The following FGF12 variants were observed in gnomAD, a reference collection of about 807,000 sequenced individuals.
FGF12 encodes the protein fibroblast growth factor 12.
Under a neutral mutation model 23.6 loss-of-function variants are expected in FGF12, and 14 were observed. The ratio of observed to expected loss-of-function variants is 0.59; its 90% CI spans 0.39 to 0.93. The LOEUF (loss-of-function observed/expected upper bound fraction) is 0.93. Among genes scored for constraint, FGF12 ranks in the 40% least tolerant of loss-of-function variants. The pLI is 0.00. For missense variants in FGF12, 175 were observed against 217.8 expected (o/e 0.80, Z 1.24); for synonymous variants, 62 against 77.3 (o/e 0.80, Z 1.04).
intron 2 of FGF12, among the ~76,000 whole-genome samples, chr3:192,421,128 C>A (rs1200914727): frequency 6.6e-6 from 1 of 152,090 alleles, no homozygotes; most frequent in African/African-American, 2.4e-5. Context: ...GTTTAACTGA[C>A]TCCATGCACA....
chr3:192,421,367 A>G (rs1446391584), intron 2 of FGF12, among the ~76,000 whole-genome samples: 6 of 152,120 alleles, frequency 3.9e-5, no homozygotes, highest in Non-Finnish European at 1.5e-5. Context: ...AGTCTAAACA[A>G]TAAGAAAAAA....
intron 4 of FGF12, among the ~76,000 whole-genome samples, chr3:192,266,821 C>G (rs1161730055): frequency 6.6e-6 from 1 of 151,670 alleles, no homozygotes; most frequent in East Asian, 1.9e-4. Context: ...CACACACACA[C>G]ACATACACTA....
chr3:192,614,965 G>C (rs189879228), intron 2 of FGF12, among the ~76,000 whole-genome samples: 1 of 151,722 alleles, frequency 6.6e-6, no homozygotes, highest in East Asian at 1.9e-4. Context: ...TAAGAATTTT[G>C]ATGAAAATAA....
At chr3:192,683,627 A>C (rs192733126) in intron 2 of FGF12, among the ~76,000 whole-genome samples, 1 of 152,082 alleles carries the variant, frequency 6.6e-6, no homozygotes, top group African/African-American at 2.4e-5. Flanking sequence ...TACAAAGTTT[A>C]AAAAAAAATT....
intron 2 of FGF12, among the ~76,000 whole-genome samples, chr3:192,372,106 G>T (rs1719259776): frequency 6.6e-6 from 1 of 152,254 alleles, no homozygotes; most frequent in East Asian, 1.9e-4. Flanking sequence ...ATTTGGCATA[G>T]AAAAATCTTC....
At chr3:192,584,125 C>G (rs1428375848) in intron 2 of FGF12, among the ~76,000 whole-genome samples, 2 of 152,170 alleles carry the variant, frequency 1.3e-5, no homozygotes, top group Non-Finnish European at 2.9e-5. Flanking sequence ...TGCCTATGCT[C>G]TGTTTCAGAA....
chr3:192,189,771 C>T (rs933910881), intron 4 of FGF12, among the ~76,000 whole-genome samples: 4 of 152,144 alleles, frequency 2.6e-5, no homozygotes, highest in African/African-American at 4.8e-5. Flanking sequence ...ACCATAACCA[C>T]GAGAAAATTT....
chr3:192,603,849 G>C (rs1268714479), intron 2 of FGF12, among the ~76,000 whole-genome samples: 3 of 152,114 alleles, frequency 2.0e-5, no homozygotes, highest in African/African-American at 7.2e-5. Context: ...ACAGAAAACA[G>C]GGTTCGAGAG....
chr3:192,651,042 G>A (rs1040127164), intron 2 of FGF12, among the ~76,000 whole-genome samples: 1 of 152,312 alleles, frequency 6.6e-6, no homozygotes, highest in Non-Finnish European at 1.5e-5. Context: ...GTTTCCAGAT[G>A]AAATCTGTAC....
intron 4 of FGF12, among the ~76,000 whole-genome samples, chr3:192,328,295 G>C (rs866850168): frequency 1.3e-5 from 2 of 152,188 alleles, no homozygotes; most frequent in South Asian, 4.1e-4. Flanking sequence ...TTTAGGGTAG[G>C]GGCTTTGGGT....
intron 2 of FGF12, among the ~76,000 whole-genome samples, chr3:192,659,458 T>A (rs6802231): frequency 0.084 from 12,837 of 152,186 alleles, 672 homozygotes; most frequent in South Asian, 0.22. Context: ...GCTCCCACTG[T>A]GTAGCTCCCT....
rs1246784033 is a variant in FGF12 at position 192,139,440 on chromosome 3, T to G, written c.*4569A>C. The G allele has an allele frequency of 1.3e-5, 2 of 152,192 alleles. No homozygotes were observed. Among genetic ancestry groups the G allele is most frequent in the African/African-American group, 4.8e-5 (2 of 41,452 alleles). 9.4% of individuals were successfully genotyped at this position (152,192 alleles called of 1,614,324 possible). On this transcript the variant is annotated 3_prime_UTR_variant, in exon 6 of 6. Transcript: ENST00000445105. The stretch of plus-strand genomic sequence containing the variant: ...AAAATGAAACATTAATTTGTTTAGT[T>G]TCTCATACAACATGTTTACTAAACA...
At chr3:192,416,346 C>T (rs1576966031) in intron 2 of FGF12, among the ~76,000 whole-genome samples, 1 of 152,072 alleles carries the variant, frequency 6.6e-6, no homozygotes, top group East Asian at 1.9e-4. Context: ...AAAGAGTATG[C>T]AATTTAGAGT....
intron 2 of FGF12, among the ~76,000 whole-genome samples, chr3:192,712,642 A>G (rs1718728278): frequency 6.6e-6 from 1 of 152,148 alleles, no homozygotes; most frequent in South Asian, 2.1e-4. Context: ...TAAATCTAGA[A>G]TTCTATACCT....
At chr3:192,702,571 T>C (rs915363675) in intron 2 of FGF12, among the ~76,000 whole-genome samples, 1 of 152,260 alleles carries the variant, frequency 6.6e-6, no homozygotes, top group Non-Finnish European at 1.5e-5. Flanking sequence ...GGGAGGTAGA[T>C]TGCTTGAGTC....
intron 2 of FGF12, among the ~76,000 whole-genome samples, chr3:192,550,450 A>C (rs1335771316): frequency 6.6e-6 from 1 of 150,906 alleles, no homozygotes; most frequent in Non-Finnish European, 1.5e-5. Flanking sequence ...TATATATTAC[A>C]CAGATATAAT....
In FGF12 at chr3:192,613,858, T is replaced by C. The variant is rs76599670; in HGVS notation, c.13+113323A>G. Among the ~76,000 whole-genome samples the C allele has an allele frequency of 9.8e-3, 1,490 of 151,950 alleles. 32 individuals are homozygous for C. The highest frequency in any genetic ancestry group is 0.035 in the African/African-American group (1,434 of 41,486). On this transcript the variant is annotated intron_variant, in intron 2 of 5. Transcript: ENST00000445105. ...TTTTTTTCAGTAATTATGCATAAGA[T>C]CCTAAAACATCACTTATAAATTTAC...
chr3:192,174,922 A>G (rs1260989334), intron 4 of FGF12, among the ~76,000 whole-genome samples: 1 of 152,222 alleles, frequency 6.6e-6, no homozygotes, highest in African/African-American at 2.4e-5. Context: ...CCTCCAACTC[A>G]TTATTCACTT....
intron 2 of FGF12, among the ~76,000 whole-genome samples, chr3:192,563,493 A>G (rs889682055): frequency 6.6e-6 from 1 of 152,206 alleles, no homozygotes; most frequent in African/African-American, 2.4e-5. Flanking sequence ...GGAGAGCCAG[A>G]GTAGTTTCAA....
Sources: gnomAD v4.1 joint callset for allele counts (sites outside exome capture counted in the v4.1 genomes callset) on GRCh38, gnomAD v4.1.1 for gene constraint, MANE v1.5 for transcripts, NCBI Gene and HGNC (gene_info 2026-07-23, HGNC 2026-07-21) for gene names.